The following HIVEP2 variants were observed in gnomAD, a reference collection of about 807,000 sequenced individuals.
HIVEP2 encodes the protein HIVEP zinc finger 2.
Under a neutral mutation model 180.7 loss-of-function variants are expected in HIVEP2, and 14 were observed. The observed-to-expected ratio is 0.08, with a 90% CI of 0.05 to 0.12. The LOEUF (loss-of-function observed/expected upper bound fraction) is 0.12. HIVEP2 is among the 10% of genes least tolerant of loss of function. HIVEP2 has a pLI of 1.00. For missense variants in HIVEP2, 2,579 were observed against 3,008.5 expected (o/e 0.86, Z 3.34); for synonymous variants, 1,184 against 1,136.4 (o/e 1.04, Z -0.84).
intron 8 of HIVEP2, 54 bp from the exon 9 acceptor site, chr6:142,760,721 G>T: frequency 7.6e-7 from 1 of 1,323,054 alleles, no homozygotes; most frequent in Non-Finnish European, 1.0e-6. Context: ...TCAAGGTTAG[G>T]ATCTTATTTA....
chr6:142,913,750 T>C (rs9496479), intron 1 of HIVEP2, among the ~76,000 whole-genome samples: 7,110 of 152,256 alleles, frequency 0.047, 544 homozygotes, highest in African/African-American at 0.16. Context: ...GATGCATCAC[T>C]TTCCACAAGA....
intron 2 of HIVEP2, among the ~76,000 whole-genome samples, chr6:142,784,120 T>C (rs948175309): frequency 1.3e-5 from 2 of 152,160 alleles, no homozygotes; most frequent in African/African-American, 4.8e-5. Flanking sequence ...TAGTAAGTAA[T>C]GAAGAAAGGA....
At chr6:142,890,385 A>G (rs1409052504) in intron 1 of HIVEP2, among the ~76,000 whole-genome samples, 1 of 152,236 alleles carries the variant, frequency 6.6e-6, no homozygotes, top group Non-Finnish European at 1.5e-5. Context: ...ATATTCGTGC[A>G]CTTGCTCTGC....
rs996222116 is a variant in HIVEP2 at position 142,881,321 on chromosome 6, T to C, written c.-640-44274A>G. ...GTTTAAATATCTATAAATCATCATG[T>C]CAATAATTTTTAAATGTCCAGTTAA... On this transcript the variant is annotated intron_variant, in intron 1 of 9. Coordinates refer to ENST00000367603, the MANE Select transcript of HIVEP2 (RefSeq NM_006734.4). 5.9e-5 allele frequency among the ~76,000 whole-genome samples: 9 copies of C among 152,212 alleles called. No homozygotes were observed. In the East Asian group the frequency reaches 1.7e-3, roughly 29 times the overall value.
At chr6:142,793,678 TCTCTCTCTC>T (rs1776211216) in intron 2 of HIVEP2, among the ~76,000 whole-genome samples, 1 of 142,602 alleles carries the variant, frequency 7.0e-6, no homozygotes, top group Non-Finnish European at 1.5e-5. Flanking sequence ...TTTCTTTCTC[TCTCTCTCTC>T]TCTCTCTCTC....
At chr6:142,828,476 G>T (rs972234810) in intron 2 of HIVEP2, among the ~76,000 whole-genome samples, 1 of 151,286 alleles carries the variant, frequency 6.6e-6, no homozygotes, top group Non-Finnish European at 1.5e-5. Flanking sequence ...TCTTGCTCTC[G>T]CTTAGGCTGG....
rs893902526 is a variant in HIVEP2 at position 142,759,948 on chromosome 6, T to G, written c.6340A>C (p.Arg2114=). Residue 2114 remains arginine, a synonymous_variant, in exon 9 of 10, where the codon AGG becomes CGG. Coordinates refer to ENST00000367603, the MANE Select transcript of HIVEP2 (RefSeq NM_006734.4). ...DVSPRRHLSP[R]RPVSPGKDIT... ...TCTTTCCCAGGAGACACTGGCCTCC[T>G]TGGAGACAAATGCCTTCTTGGTGAA... 1.3e-5 allele frequency: 21 copies of G among 1,613,964 alleles called. No individual in the cohort carries two copies. The highest frequency in any genetic ancestry group is 1.7e-5 in the Non-Finnish European group (20 of 1,179,998).
chr6:142,841,167 A>G (rs1353706876), intron 1 of HIVEP2, among the ~76,000 whole-genome samples: 2 of 152,146 alleles, frequency 1.3e-5, no homozygotes, highest in African/African-American at 2.4e-5. Context: ...ACCATTTAAT[A>G]TATCAGGCAT....
At chr6:142,945,274 A>T (rs1245638855), upstream of HIVEP2, 1 of 152,056 alleles carries the variant, frequency 6.6e-6, no homozygotes, top group African/African-American at 2.4e-5. The surrounding 1 kb of genome is among the most constrained non-coding windows in gnomAD (Gnocchi z 5.5). Context: ...ATCCGCGGCC[A>T]GGGTATTCCC....
rs1774942721 is a variant in HIVEP2, at chr6:142,752,344, C to T, written c.*763G>A. 1 of 152,524 alleles carries T rather than the reference C, an allele frequency of 6.6e-6. No homozygotes were observed. Among genetic ancestry groups the T allele is most frequent in the Non-Finnish European group, 1.5e-5 (1 of 68,022 alleles). 9.4% of individuals were successfully genotyped at this position (152,524 alleles called of 1,614,324 possible). ...CAATAGCACATTGTTTACTTTAATGCTTTACGGTACTATCATTTTAAAATC... is the reference window on the plus strand; with the variant it reads ...CAATAGCACATTGTTTACTTTAATGTTTTACGGTACTATCATTTTAAAATC... On this transcript the variant is annotated 3_prime_UTR_variant, in exon 10 of 10. Transcript: ENST00000367603.
intron 1 of HIVEP2, among the ~76,000 whole-genome samples, chr6:142,939,720 C>G (rs2128441198): frequency 6.6e-6 from 1 of 152,300 alleles, no homozygotes; most frequent in Middle Eastern, 3.4e-3. Flanking sequence ...TAAGCCATGT[C>G]TCTTCTAGAT....
intron 1 of HIVEP2, among the ~76,000 whole-genome samples, chr6:142,886,892 A>G (rs945108609): frequency 6.6e-6 from 1 of 152,172 alleles, no homozygotes; most frequent in African/African-American, 2.4e-5. Context: ...GTTCTACATC[A>G]CTTTCCTCAA....
intron 1 of HIVEP2, among the ~76,000 whole-genome samples, chr6:142,925,522 G>C (rs1777784804): frequency 6.6e-6 from 1 of 152,256 alleles, no homozygotes; most frequent in Non-Finnish European, 1.5e-5. Flanking sequence ...CAAGGAAAAA[G>C]GGAAAAGCTA....
At chr6:142,886,204 G>C (rs965376993) in intron 1 of HIVEP2, among the ~76,000 whole-genome samples, 34 of 152,136 alleles carry the variant, frequency 2.2e-4, no homozygotes, top group African/African-American at 8.2e-4. Flanking sequence ...ATTATTGTTT[G>C]ACAAATGAGT....
At chr6:142,889,199 A>G (rs1776790977) in intron 1 of HIVEP2, among the ~76,000 whole-genome samples, 1 of 152,122 alleles carries the variant, frequency 6.6e-6, no homozygotes, top group African/African-American at 2.4e-5. Context: ...GTGGCCATGC[A>G]TGGTGGCTCA....
At chr6:142,767,171 G>T (rs938161923) in intron 6 of HIVEP2, among the ~76,000 whole-genome samples, 3 of 152,152 alleles carry the variant, frequency 2.0e-5, no homozygotes, top group African/African-American at 4.8e-5. Flanking sequence ...TAATCTATTG[G>T]TGCAAGTACA....
At chr6:142,933,469 T>C (rs144351179) in intron 1 of HIVEP2, among the ~76,000 whole-genome samples, 29 of 152,354 alleles carry the variant, frequency 1.9e-4, no homozygotes, top group Non-Finnish European at 3.8e-4. Context: ...AAATGTCTTC[T>C]GTTTGCTTCA....
At chr6:142,916,165 T>C (rs1313229205) in intron 1 of HIVEP2, among the ~76,000 whole-genome samples, 1 of 152,230 alleles carries the variant, frequency 6.6e-6, no homozygotes, top group African/African-American at 2.4e-5. Context: ...TAGTCTAGTG[T>C]AGTCATCTAC....
Position 142,772,196 on chromosome 6 carries a change from G to A in HIVEP2, c.2543C>T (p.Pro848Leu). Residue 848 changes from proline (P) to leucine (L), a missense_variant, in exon 5 of 10, where the codon CCT becomes CTT. Coordinates refer to ENST00000367603, the MANE Select transcript of HIVEP2 (RefSeq NM_006734.4). This position sits in a 1 kb window ranked among gnomAD's most constrained non-coding sequence, Gnocchi z 4.9. Reference sequence around the variant, plus strand: ...ACCATCCCCAGGTGGAGCCCACTCAGGACTCACTGGGGCTTCTGAAATCTC... The same window carrying A: ...ACCATCCCCAGGTGGAGCCCACTCAAGACTCACTGGGGCTTCTGAAATCTC... Reference protein sequence around the residue: ...DSEISEAPVSPEWAPPGDGAE... With the variant: ...DSEISEAPVSLEWAPPGDGAE... The A allele has an allele frequency of 6.2e-7, 1 of 1,614,202 alleles. No individual in the cohort carries two copies. The highest frequency in any genetic ancestry group is 8.5e-7 in the Non-Finnish European group (1 of 1,180,028).
Sources: allele counts gnomAD v4.1 joint callset (sites outside exome capture counted in the v4.1 genomes callset), GRCh38; gene constraint gnomAD v4.1.1; non-coding constraint Gnocchi (gnomAD v3.1); transcripts MANE v1.5; gene names NCBI Gene and HGNC (gene_info 2026-07-23, HGNC 2026-07-21).